The following OPCML variants were observed in gnomAD, a reference collection of about 807,000 sequenced individuals.
The protein encoded by OPCML is opioid-binding protein/cell adhesion molecule.
OPCML carries 13 observed loss-of-function variants against 37.8 expected under a neutral mutation model. That is an observed-to-expected ratio of 0.34 (90% confidence interval 0.22 to 0.55). The LOEUF is 0.55. Ranked by LOEUF, OPCML falls within the 20% of genes least tolerant of loss-of-function variation. OPCML has a pLI of 0.91. For synonymous variants in OPCML, 176 were observed against 168.8 expected (o/e 1.04, Z -0.33); for missense variants, 341 against 435.6 (o/e 0.78, Z 1.93).
Position 133,232,548 on chromosome 11 carries a change from A to T in OPCML, c.62-289538T>A, listed in dbSNP as rs1940325356. 2.0e-5 allele frequency among the ~76,000 whole-genome samples: 3 copies of T among 152,090 alleles called. No individual in the cohort carries two copies. The South Asian group carries it at 6.2e-4, about 32-fold the overall frequency. ...GTAAGGTTATAAAAGAAGAGATTCC[A>T]GGTGTGAATCTCATGTGAAATTAAA... On this transcript the variant is annotated intron_variant, in intron 1 of 7. Coordinates refer to ENST00000524381, the MANE Select transcript of OPCML (RefSeq NM_001012393.5).
chr11:133,053,293 G>A (rs532027615), intron 1 of OPCML, among the ~76,000 whole-genome samples: 25 of 152,298 alleles, frequency 1.6e-4, no homozygotes, highest in African/African-American at 4.3e-4. Flanking sequence ...AACGCATGGC[G>A]TGCATTGTGA....
intron 1 of OPCML, among the ~76,000 whole-genome samples, chr11:133,285,675 C>G (rs1294010339): frequency 6.6e-6 from 1 of 152,128 alleles, no homozygotes; most frequent in Non-Finnish European, 1.5e-5. Context: ...CTTTGTTTAC[C>G]TACATATTTT....
intron 1 of OPCML, among the ~76,000 whole-genome samples, chr11:133,386,782 C>G (rs1315052876): frequency 6.6e-6 from 1 of 152,194 alleles, no homozygotes; most frequent in Non-Finnish European, 1.5e-5. Context: ...CACAGAAGGG[C>G]CATGCTTCAC....
intron 2 of OPCML, among the ~76,000 whole-genome samples, chr11:132,922,519 G>T (rs1205798279): frequency 6.6e-6 from 1 of 152,030 alleles, no homozygotes; most frequent in Non-Finnish European, 1.5e-5. Context: ...GAGGAAAGAG[G>T]AGGGCGGCAG....
intron 2 of OPCML, among the ~76,000 whole-genome samples, chr11:132,764,366 T>A (rs1429560706): frequency 6.6e-6 from 1 of 152,182 alleles, no homozygotes; most frequent in Non-Finnish European, 1.5e-5. Context: ...ATGGGCCTAC[T>A]CATCCTACCT....
chr11:133,173,664 C>CA lies in OPCML; in HGVS notation c.62-230655dup, dbSNP rs2136273187. On this transcript the variant is annotated intron_variant, in intron 1 of 7. Transcript: ENST00000524381. The surrounding 1 kb of genome is among the most constrained non-coding windows in gnomAD (Gnocchi z 7.8). ...GCGATGAGGCTAACGTAAGGGTAGA[C>CA]ACCTCCCTGCAGATAATAACGAGAA... Among the ~76,000 whole-genome samples, 1 of 152,314 alleles carries CA rather than the reference C, an allele frequency of 6.6e-6. No individual in the cohort carries two copies. Among genetic ancestry groups the CA allele is most frequent in the South Asian group, 2.1e-4 (1 of 4,826 alleles).
At chr11:133,071,998 G>A (rs779109458) in intron 1 of OPCML, among the ~76,000 whole-genome samples, 3 of 152,132 alleles carry the variant, frequency 2.0e-5, no homozygotes, top group Non-Finnish European at 4.4e-5. Context: ...TGTGCAGGAC[G>A]GCCCCGTACC....
intron 1 of OPCML, among the ~76,000 whole-genome samples, chr11:133,027,968 T>C (rs1282888671): frequency 6.6e-6 from 1 of 151,738 alleles, no homozygotes; most frequent in Admixed American, 6.6e-5. Flanking sequence ...CTTTTCGGAA[T>C]TCTACATGTA....
At chr11:132,973,190 C>CCT (rs1946380914) in intron 1 of OPCML, among the ~76,000 whole-genome samples, 1 of 152,168 alleles carries the variant, frequency 6.6e-6, no homozygotes, top group East Asian at 1.9e-4. Flanking sequence ...GATTTTAAGA[C>CCT]AAATGTCCTC....
chr11:133,494,097 C>T (rs1565666217), intron 1 of OPCML, among the ~76,000 whole-genome samples: 1 of 151,618 alleles, frequency 6.6e-6, no homozygotes, highest in African/African-American at 2.4e-5. Flanking sequence ...GACATTTATG[C>T]AGCCAAAAAA....
At chr11:132,712,568 A>G (rs1281830212) in intron 2 of OPCML, among the ~76,000 whole-genome samples, 1 of 152,210 alleles carries the variant, frequency 6.6e-6, no homozygotes, top group Non-Finnish European at 1.5e-5. Context: ...CACCCCAAGA[A>G]CATGGGATTA....
At chr11:132,958,939 G>A (rs550461787) in intron 1 of OPCML, among the ~76,000 whole-genome samples, 15 of 152,282 alleles carry the variant, frequency 9.9e-5, no homozygotes, top group South Asian at 2.1e-4. Flanking sequence ...CCTCCGTTCC[G>A]TAGCCCATGA....
chr11:132,850,274 C>T (rs766094765), intron 2 of OPCML, among the ~76,000 whole-genome samples: 86 of 152,140 alleles, frequency 5.7e-4, no homozygotes, highest in Admixed American at 4.6e-4. Context: ...GTTCTTACCT[C>T]CTTCCTGTGC....
intron 4 of OPCML, among the ~76,000 whole-genome samples, chr11:132,475,193 G>C (rs1234658188): frequency 6.6e-6 from 1 of 152,090 alleles, no homozygotes; most frequent in Non-Finnish European, 1.5e-5. Flanking sequence ...ACCTATGAAG[G>C]CCTGAGGGCT....
intron 2 of OPCML, among the ~76,000 whole-genome samples, chr11:132,757,462 G>A (rs371541773): frequency 1.3e-5 from 2 of 152,172 alleles, no homozygotes; most frequent in African/African-American, 2.4e-5. Context: ...TCCAGCATCC[G>A]TTGTTTCCTG....
intron 1 of OPCML, among the ~76,000 whole-genome samples, chr11:133,343,530 C>T (rs932538437): frequency 3.9e-5 from 6 of 152,272 alleles, no homozygotes; most frequent in Middle Eastern, 3.4e-3. Context: ...TCAGAGGGGG[C>T]GTTTTCAACC....
chr11:132,582,104 TTGTGTGTG>T (rs145244488), intron 3 of OPCML, among the ~76,000 whole-genome samples: 14,733 of 140,352 alleles, frequency 0.1, 808 homozygotes, highest in Non-Finnish European at 0.12. Flanking sequence ...CACACATACT[TTGTGTGTG>T]TGTGTGTGTG....
At chr11:133,129,714 G>A (rs540281979) in intron 1 of OPCML, among the ~76,000 whole-genome samples, 2 of 152,136 alleles carry the variant, frequency 1.3e-5, no homozygotes, top group South Asian at 2.1e-4. Context: ...ACCAACCTGG[G>A]CAACATAGCA....
chr11:133,178,105 G>A (rs1472461928), intron 1 of OPCML, among the ~76,000 whole-genome samples: 2 of 152,180 alleles, frequency 1.3e-5, no homozygotes, highest in South Asian at 2.1e-4. Flanking sequence ...TCTAAAGTCA[G>A]GAGCTCTTAC....
Sources: allele counts gnomAD v4.1 joint callset (sites outside exome capture counted in the v4.1 genomes callset), GRCh38; gene constraint gnomAD v4.1.1; non-coding constraint Gnocchi (gnomAD v3.1); transcripts MANE v1.5; gene names NCBI Gene and HGNC (gene_info 2026-07-23, HGNC 2026-07-21).